Variants in KLHL31 observed in about 807,000 individuals in gnomAD.
The protein encoded by KLHL31 is kelch-like protein 31.
KLHL31 carries 32 observed loss-of-function variants against 47.1 expected under a neutral mutation model. That is an observed-to-expected ratio of 0.68 (90% CI 0.51 to 0.91). The LOEUF (loss-of-function observed/expected upper bound fraction) is 0.91. Ranked by LOEUF, KLHL31 falls within the 40% of genes least tolerant of loss-of-function variation. KLHL31 has a pLI of 0.00. For synonymous variants in KLHL31, 330 were observed against 325.1 expected (o/e 1.01, Z -0.16); for missense variants, 797 against 819.3 (o/e 0.97, Z 0.33).
chr6:53,655,601 CTTTTTTTCTTTTTTT>C (rs1046744704), intron 1 of KLHL31, among the ~76,000 whole-genome samples: 1 of 100,524 alleles, frequency 9.9e-6, no homozygotes, highest in Admixed American at 1.6e-4. Context: ...TTTCTTTTTT[CTTTTTTTCTTTTTTT>C]TTTTTTTTGA....
chr6:53,651,708 C>T lies in KLHL31; in HGVS notation c.1795G>A (p.Glu599Lys), dbSNP rs1233326010. The T allele has an allele frequency of 2.5e-6, 4 of 1,614,074 alleles. No individual in the cohort carries two copies. Among genetic ancestry groups the T allele is most frequent in the Admixed American group, 1.7e-5 (1 of 60,000 alleles). ...PELNEWTEDDELPEATVGVSC... is the reference protein window; with the variant it reads ...PELNEWTEDDKLPEATVGVSC... ...ACGCCGACAGTGGCCTCGGGTAGCT[C>T]GTCGTCCTCCGTCCACTCGTTGAGC... The change falls in exon 3 of 3, where the codon GAG (glutamate) becomes AAG (lysine). Residue 599 changes from glutamate (E) to lysine (K), a missense_variant. Transcript: ENST00000370905.
chr6:53,660,110 G>A (rs568479728), intron 1 of KLHL31, among the ~76,000 whole-genome samples: 5 of 152,106 alleles, frequency 3.3e-5, no homozygotes, highest in Admixed American at 6.5e-5. Flanking sequence ...TCTTTTTCCC[G>A]GATATGCATG....
Position 53,654,181 on chromosome 6 carries a change from A to G in KLHL31, c.1092T>C (p.Asp364=). Residue 364 remains aspartate (D), a synonymous_variant, in exon 2 of 3, where the codon GAT becomes GAC. Coordinates refer to ENST00000370905, the MANE Select transcript of KLHL31 (RefSeq NM_001003760.5). The part of the protein sequence containing the change: ...KSFNQCVAVM[D]GFLYVAGGED... ...CACCACCGGCTACATAAAGAAATCC[A>G]TCCATCACAGCCACACACTGATTAA... 1 of 1,614,222 alleles carries G rather than the reference A, an allele frequency of 6.2e-7. No homozygotes were observed. The highest frequency in any genetic ancestry group is 8.5e-7 in the Non-Finnish European group (1 of 1,180,034).
At chr6:53,660,834 C>T (rs918630408) in intron 1 of KLHL31, among the ~76,000 whole-genome samples, 1 of 152,080 alleles carries the variant, frequency 6.6e-6, no homozygotes, top group African/African-American at 2.4e-5. Flanking sequence ...GAAAAGAAAC[C>T]GTTGAAATCA....
At chr6:53,661,693 T>A (rs539260328) in intron 1 of KLHL31, among the ~76,000 whole-genome samples, 1 of 152,192 alleles carries the variant, frequency 6.6e-6, no homozygotes, top group Non-Finnish European at 1.5e-5. Flanking sequence ...CATATTAACA[T>A]GTAGTCAGAG....
chr6:53,660,509 A>G (rs914862393), intron 1 of KLHL31, among the ~76,000 whole-genome samples: 22 of 152,118 alleles, frequency 1.4e-4, no homozygotes, highest in Non-Finnish European at 2.9e-4. Flanking sequence ...CAGGCAGGAG[A>G]CCATTTAAGA....
rs1049340572 is a variant in KLHL31, at chr6:53,649,081, C to G, written c.*2517G>C. 6.6e-6 allele frequency: 1 copy of G among 152,096 alleles called. No homozygotes were observed. Among genetic ancestry groups the G allele is most frequent in the African/African-American group, 2.4e-5 (1 of 41,432 alleles). The allele number at this position is 152,096 out of a possible 1,614,324, so 9.4% of individuals were successfully genotyped here. ...ACTAAATATTTTCCACTTGGGAAATCTGGAGAAACTAGGTTTCTAGGAGCA... is the reference window on the plus strand; with the variant it reads ...ACTAAATATTTTCCACTTGGGAAATGTGGAGAAACTAGGTTTCTAGGAGCA... On this transcript the variant is annotated 3_prime_UTR_variant, in exon 3 of 3. Transcript: ENST00000370905.
At chr6:53,663,968 G>A (rs1764683093) in intron 1 of KLHL31, among the ~76,000 whole-genome samples, 1 of 152,156 alleles carries the variant, frequency 6.6e-6, no homozygotes, top group Non-Finnish European at 1.5e-5. Context: ...CTATAATTTT[G>A]CAGACAGTTA....
Position 53,652,289 on chromosome 6 carries a change from A to T in KLHL31, c.1214T>A (p.Met405Lys), listed in dbSNP as rs1764488241. Reference sequence around the variant, plus strand: ...GCTGAAGTGCGTGCGCTTCTGGTTCATGCTGGCCAGGTGTATCCAGGTGTT... The same window carrying T: ...GCTGAAGTGCGTGCGCTTCTGGTTCTTGCTGGCCAGGTGTATCCAGGTGTT... ...RFNTWIHLAS[M>K]NQKRTHFSLS... is the part of the protein sequence containing the mutation. Residue 405 changes from methionine to lysine, a missense_variant, in exon 3 of 3, where the codon ATG (methionine) becomes AAG (lysine). Coordinates refer to ENST00000370905, the MANE Select transcript of KLHL31 (RefSeq NM_001003760.5). 2 of 1,614,166 alleles carry T rather than the reference A, an allele frequency of 1.2e-6. No individual in the cohort carries two copies. The highest frequency in any genetic ancestry group is 1.7e-6 in the Non-Finnish European group (2 of 1,180,034).
Position 53,659,807 on chromosome 6 carries a change from G to C in KLHL31, c.-33-4502C>G, listed in dbSNP as rs561658227. 2.0e-5 allele frequency among the ~76,000 whole-genome samples: 3 copies of C among 152,284 alleles called. No individual in the cohort carries two copies. The South Asian group carries it at 6.2e-4, about 32-fold the overall frequency. On this transcript the variant is annotated intron_variant, in intron 1 of 2. Coordinates refer to ENST00000370905, the MANE Select transcript of KLHL31 (RefSeq NM_001003760.5). ...ACTAAGAAATCTCCAGGAAGAGAGA[G>C]TGCAACTTGAGGCTAGATGAAATAG...
intron 2 of KLHL31, among the ~76,000 whole-genome samples, chr6:53,652,791 G>A (rs756317085): frequency 6.6e-6 from 1 of 152,108 alleles, no homozygotes; most frequent in Non-Finnish European, 1.5e-5. Context: ...ACCATTCCTA[G>A]CTCCCTGTCA....
chr6:53,655,301 G>T lies in KLHL31; in HGVS notation c.-29C>A. On this transcript the variant is annotated 5_prime_UTR_variant, in exon 2 of 3. Coordinates refer to ENST00000370905, the MANE Select transcript of KLHL31 (RefSeq NM_001003760.5). ...GGCAAATACACTGTTACAGGCAAGA[G>T]CTTGCTAAAAAGAGAAAAAAAAAAA... 2.8e-6 allele frequency: 4 copies of T among 1,423,718 alleles called. No homozygotes were observed. Among genetic ancestry groups the T allele is most frequent in the Non-Finnish European group, 3.8e-6 (4 of 1,066,590 alleles). 88.2% of individuals were successfully genotyped at this position (1,423,718 alleles called of 1,614,324 possible).
intron 2 of KLHL31, among the ~76,000 whole-genome samples, chr6:53,653,658 A>G (rs1420290739): frequency 6.6e-6 from 1 of 152,228 alleles, no homozygotes; most frequent in Non-Finnish European, 1.5e-5. Context: ...TGAATTTGAC[A>G]GTTGTCAGTA....
chr6:53,657,614 G>C (rs1581789904), intron 1 of KLHL31, among the ~76,000 whole-genome samples: 1 of 93,238 alleles, frequency 1.1e-5, no homozygotes, highest in Admixed American at 1.0e-4. Context: ...TTTGTTTTGT[G>C]TGTGTGTGTG....
intron 1 of KLHL31, among the ~76,000 whole-genome samples, chr6:53,655,759 A>G (rs1299275717): frequency 6.6e-6 from 1 of 151,940 alleles, no homozygotes; most frequent in African/African-American, 2.4e-5. Flanking sequence ...GGTGTGCACC[A>G]CCATGCCCAG....
In KLHL31 at chr6:53,652,242, C is replaced by G. The variant is rs754829726; in HGVS notation, c.1261G>C (p.Val421Leu). 3.7e-6 allele frequency: 6 copies of G among 1,613,910 alleles called. No homozygotes were observed. Among genetic ancestry groups the G allele is most frequent in the Non-Finnish European group, 5.1e-6 (6 of 1,180,048 alleles). ...GCGTTGCGGCCGCCCGCGGCGTACACGAGCCCGTTGAACACGCTCAGGCTG... is the reference window on the plus strand; with the variant it reads ...GCGTTGCGGCCGCCCGCGGCGTACAGGAGCCCGTTGAACACGCTCAGGCTG... ...HFSLSVFNGL[V>L]YAAGGRNAEG... Residue 421 changes from valine to leucine, a missense_variant, in exon 3 of 3, where the codon GTG becomes CTG. Val to Leu is a conservative substitution (Grantham distance 32, BLOSUM62 1). Transcript: ENST00000370905.
intron 1 of KLHL31, among the ~76,000 whole-genome samples, chr6:53,661,726 T>C (rs1213235627): frequency 1.3e-5 from 2 of 152,200 alleles, no homozygotes; most frequent in Non-Finnish European, 2.9e-5. Flanking sequence ...GAACTCTCAC[T>C]GTTTTATTCT....
intron 1 of KLHL31, among the ~76,000 whole-genome samples, chr6:53,659,711 C>T (rs1212476837): frequency 2.0e-5 from 3 of 152,262 alleles, no homozygotes; most frequent in Admixed American, 6.5e-5. Context: ...AGGTAATATT[C>T]GGTCAATACA....
Position 53,651,256 on chromosome 6 carries a change from G to A in KLHL31, c.*342C>T, listed in dbSNP as rs562842521. 1.2e-4 allele frequency: 22 copies of A among 190,088 alleles called. No homozygotes were observed. The South Asian group carries it at 3.0e-3, about 26-fold the overall frequency. 11.8% of individuals were successfully genotyped at this position (190,088 alleles called of 1,614,324 possible). ...ACCTCAAGTGTACTAACGTGTAGAGGAAAAAATCTCAAATGTGGGTGTAAC... is the reference window on the plus strand; with the variant it reads ...ACCTCAAGTGTACTAACGTGTAGAGAAAAAAATCTCAAATGTGGGTGTAAC... On this transcript the variant is annotated 3_prime_UTR_variant, in exon 3 of 3. Coordinates refer to ENST00000370905, the MANE Select transcript of KLHL31 (RefSeq NM_001003760.5).
Sources: gnomAD v4.1 joint callset for allele counts (sites outside exome capture counted in the v4.1 genomes callset) on GRCh38, gnomAD v4.1.1 for gene constraint, MANE v1.5 for transcripts, NCBI Gene and HGNC (gene_info 2026-07-23, HGNC 2026-07-21) for gene names.